DCC: variants seen among roughly 807,000 people sequenced by gnomAD.
DCC encodes the protein DCC netrin 1 receptor, also known as netrin receptor DCC.
DCC carries 58 observed loss-of-function variants against 172.5 expected under a neutral mutation model. The observed-to-expected ratio is 0.34, with a 90% CI of 0.27 to 0.42. The LOEUF is 0.42. DCC is among the 10% of genes least tolerant of loss of function. The pLI is 1.00. For missense variants in DCC, 1,740 were observed against 1,791.0 expected (o/e 0.97, Z 0.51); for synonymous variants, 709 against 644.5 (o/e 1.10, Z -1.52).
intron 20 of DCC, among the ~76,000 whole-genome samples, chr18:53,412,681 A>C (rs1397539188): frequency 1.3e-5 from 2 of 152,138 alleles, no homozygotes; most frequent in African/African-American, 2.4e-5. Context: ...TTTCATAGTA[A>C]TGCTTGTGCC....
At chr18:52,694,236 T>C (rs1176384226) in intron 1 of DCC, among the ~76,000 whole-genome samples, 1 of 151,976 alleles carries the variant, frequency 6.6e-6, no homozygotes, top group Non-Finnish European at 1.5e-5. Flanking sequence ...CCCCAAACTG[T>C]CAAGGTGGTG....
chr18:53,316,034 T>C (rs981784005), intron 13 of DCC, among the ~76,000 whole-genome samples: 2 of 152,212 alleles, frequency 1.3e-5, no homozygotes, highest in African/African-American at 4.8e-5. Flanking sequence ...AGTCATGAAG[T>C]CTTTGGCCAT....
chr18:53,424,605 T>C (rs1910803126), intron 21 of DCC, among the ~76,000 whole-genome samples: 1 of 151,714 alleles, frequency 6.6e-6, no homozygotes, highest in Non-Finnish European at 1.5e-5. Context: ...GCTTTAAATA[T>C]ATGAGTAGAA....
intron 1 of DCC, among the ~76,000 whole-genome samples, chr18:52,680,861 T>G (rs2035737557): frequency 6.6e-6 from 1 of 152,140 alleles, no homozygotes; most frequent in Admixed American, 6.6e-5. Flanking sequence ...TGTTGCCTTT[T>G]GCCTAACATA....
In DCC at chr18:52,540,348, GC is replaced by G. The variant is rs1307304759; in HGVS notation, c.91+199473del. On this transcript the variant is annotated intron_variant, in intron 1 of 28. Transcript: ENST00000442544. ...AGACTAAGGTGGGAGGGTCACTTGAGCCCAAGAGTTTGAGGCTACAGTGAGC... is the reference window on the plus strand; with the variant it reads ...AGACTAAGGTGGGAGGGTCACTTGAGCCAAGAGTTTGAGGCTACAGTGAGC... Among the ~76,000 whole-genome samples the G allele has an allele frequency of 3.3e-5, 5 of 151,954 alleles. 1 individual carries two copies. The highest frequency in any genetic ancestry group is 3.3e-4 in the Admixed American group (5 of 15,258).
intron 5 of DCC, among the ~76,000 whole-genome samples, chr18:52,972,118 A>C (rs1288702865): frequency 6.6e-6 from 1 of 152,184 alleles, no homozygotes; most frequent in Non-Finnish European, 1.5e-5. Context: ...GAAAGAAACA[A>C]ATCACCTCCA....
chr18:52,778,508 CCAAA>C (rs1315195964), intron 2 of DCC, among the ~76,000 whole-genome samples: 1 of 152,086 alleles, frequency 6.6e-6, no homozygotes, highest in Non-Finnish European at 1.5e-5. Context: ...CATTCTAAAT[CCAAA>C]CAATTTTAAA....
chr18:53,054,034 A>G (rs1176736982), intron 5 of DCC, among the ~76,000 whole-genome samples: 1 of 152,116 alleles, frequency 6.6e-6, no homozygotes, highest in Non-Finnish European at 1.5e-5. Context: ...GATCTCCTGC[A>G]GATACCATAA....
intron 7 of DCC, among the ~76,000 whole-genome samples, chr18:53,083,600 C>T (rs2042836392): frequency 6.6e-6 from 1 of 152,082 alleles, no homozygotes; most frequent in African/African-American, 2.4e-5. Flanking sequence ...AGAAAGAGTA[C>T]ATTTTAACAC....
intron 12 of DCC, among the ~76,000 whole-genome samples, chr18:53,281,256 T>C (rs1376359911): frequency 6.6e-6 from 1 of 152,156 alleles, no homozygotes; most frequent in African/African-American, 2.4e-5. Flanking sequence ...ATGATCCTAA[T>C]GGTTTTGCAA....
chr18:53,042,061 G>C (rs1377826607), intron 5 of DCC, among the ~76,000 whole-genome samples: 2 of 152,032 alleles, frequency 1.3e-5, no homozygotes, highest in African/African-American at 4.8e-5. Flanking sequence ...AGTGGTGAGA[G>C]AGGGCCTCCT....
intron 12 of DCC, among the ~76,000 whole-genome samples, chr18:53,230,545 G>A (rs1182490178): frequency 6.6e-6 from 1 of 151,894 alleles, no homozygotes; most frequent in Admixed American, 6.6e-5. Flanking sequence ...CAGCTATTAT[G>A]TAACTATTGT....
At chr18:52,629,564 T>G (rs2034635422) in intron 1 of DCC, among the ~76,000 whole-genome samples, 1 of 152,070 alleles carries the variant, frequency 6.6e-6, no homozygotes, top group Non-Finnish European at 1.5e-5. Flanking sequence ...CTTATAAGCC[T>G]AGAACTTTGG....
intron 1 of DCC, among the ~76,000 whole-genome samples, chr18:52,609,149 T>G (rs1476791729): frequency 2.0e-5 from 3 of 152,222 alleles, no homozygotes; most frequent in Non-Finnish European, 2.9e-5. Flanking sequence ...TTGATTCATA[T>G]GTTTAATATG....
Position 52,781,430 on chromosome 18 carries a change from A to G in DCC, c.412+29056A>G, listed in dbSNP as rs140940724. 1.2e-3 allele frequency among the ~76,000 whole-genome samples: 185 copies of G among 152,044 alleles called. 1 individual carries two copies. Among genetic ancestry groups the G allele is most frequent in the Middle Eastern group, 3.4e-3 (1 of 294 alleles). On this transcript the variant is annotated intron_variant, in intron 2 of 28. Transcript: ENST00000442544. ...TGCTATCTGAGCTTGATTACAAGTC[A>G]TCATAGACAGTTGAATTTTATAGTC...
chr18:53,338,334 T>C (rs2057614897), intron 14 of DCC, among the ~76,000 whole-genome samples: 1 of 152,228 alleles, frequency 6.6e-6, no homozygotes, highest in Non-Finnish European at 1.5e-5. Flanking sequence ...CTGGGCACGA[T>C]GGCTCAAGCC....
chr18:53,442,953 T>C (rs766717598), intron 22 of DCC, among the ~76,000 whole-genome samples: 3 of 152,164 alleles, frequency 2.0e-5, no homozygotes, highest in South Asian at 2.1e-4. Flanking sequence ...AGAAGAAGAA[T>C]TGGAAGCTGG....
intron 5 of DCC, among the ~76,000 whole-genome samples, chr18:53,054,110 C>T (rs1462399613): frequency 6.6e-6 from 1 of 152,068 alleles, no homozygotes; most frequent in Non-Finnish European, 1.5e-5. Flanking sequence ...CGTCAATCCT[C>T]CCATATATTT....
chr18:53,428,723 ATATAT>A lies in DCC; in HGVS notation c.3164-6410_3164-6406del, dbSNP rs1327555921. Among the ~76,000 whole-genome samples, 52 of 40,552 alleles carry A rather than the reference ATATAT, an allele frequency of 1.3e-3. 11 individuals carry two copies. The highest frequency in any genetic ancestry group is 5.5e-3 in the South Asian group (8 of 1,448). 26.6% of individuals were successfully genotyped at this position (40,552 alleles called of 152,430 possible). ...TATTTTATATATTATATATATTTATATATATTATATTATATACTATATATTTTATA... is the reference window on the plus strand; with the variant it reads ...TATTTTATATATTATATATATTTATATATATTATATACTATATATTTTATA... On this transcript the variant is annotated intron_variant, in intron 21 of 28. Transcript: ENST00000442544.
Sources: gnomAD v4.1 joint callset for allele counts (sites outside exome capture counted in the v4.1 genomes callset) on GRCh38, gnomAD v4.1.1 for gene constraint, MANE v1.5 for transcripts, NCBI Gene and HGNC (gene_info 2026-07-23, HGNC 2026-07-21) for gene names.